The following MAML2 variants were observed in gnomAD, a reference collection of about 807,000 sequenced individuals.
MAML2 encodes mastermind-like protein 2.
A neutral mutation model predicts 96.1 loss-of-function variants in MAML2; 22 were observed. The ratio of observed to expected loss-of-function variants is 0.23; its 90% CI spans 0.16 to 0.33. MAML2 has a LOEUF of 0.33. Among genes scored for constraint, MAML2 ranks in the 10% least tolerant of loss-of-function variants. MAML2 has a pLI of 1.00. For missense variants in MAML2, 1,367 were observed against 1,392.4 expected, an observed-to-expected ratio of 0.98 and a Z score of 0.29; for synonymous variants, 561 against 521.3, an observed-to-expected ratio of 1.08 and a Z score of -1.04.
chr11:96,036,387 A>G (rs1297049420), intron 2 of MAML2, among the ~76,000 whole-genome samples: 1 of 152,164 alleles, frequency 6.6e-6, no homozygotes, highest in Non-Finnish European at 1.5e-5. Context: ...TCTTTCATTC[A>G]TTTTAAACTC....
intron 1 of MAML2, among the ~76,000 whole-genome samples, chr11:96,316,813 A>C (rs1565282081): frequency 6.6e-6 from 1 of 152,092 alleles, no homozygotes; most frequent in Non-Finnish European, 1.5e-5. Context: ...ATGCCATTGC[A>C]GCAGTCGAGG....
chr11:96,125,075 T>C (rs1015447114), intron 1 of MAML2, among the ~76,000 whole-genome samples: 2 of 152,192 alleles, frequency 1.3e-5, no homozygotes, highest in African/African-American at 4.8e-5. Flanking sequence ...TATCTGCTTG[T>C]GGCCATTAAG....
At chr11:96,020,818 T>A (rs146407579) in intron 2 of MAML2, among the ~76,000 whole-genome samples, 399 of 152,302 alleles carry the variant, frequency 2.6e-3, no homozygotes, top group African/African-American at 8.5e-3. Context: ...TTGGTCAGAA[T>A]GAGAGAGACA....
At chr11:96,257,405 C>T (rs1003915807) in intron 1 of MAML2, among the ~76,000 whole-genome samples, 9 of 152,192 alleles carry the variant, frequency 5.9e-5, no homozygotes, top group Admixed American at 3.9e-4. Flanking sequence ...ACAGTGCTGG[C>T]ACAGAATATG....
At chr11:96,066,984 C>A (rs976372421) in intron 2 of MAML2, among the ~76,000 whole-genome samples, 2 of 152,128 alleles carry the variant, frequency 1.3e-5, no homozygotes, top group African/African-American at 4.8e-5. Flanking sequence ...GTGGTAGGAG[C>A]AGTGGGCAGT....
At chr11:96,107,013 C>A (rs960253588) in intron 1 of MAML2, among the ~76,000 whole-genome samples, 1 of 32,554 alleles carries the variant, frequency 3.1e-5, no homozygotes, top group Admixed American at 4.6e-4. Context: ...ATTTTCTTCA[C>A]TGGCCTCAAA....
rs188404023 is a variant in MAML2 at position 96,042,212 on chromosome 11, G to A, written c.2139+49680C>T. 3.8e-3 allele frequency among the ~76,000 whole-genome samples: 583 copies of A among 152,178 alleles called. 2 individuals are homozygous for A. The highest frequency in any genetic ancestry group is 0.013 in the African/African-American group (550 of 41,534). On this transcript the variant is annotated intron_variant, in intron 2 of 4. Coordinates refer to ENST00000524717, the MANE Select transcript of MAML2 (RefSeq NM_032427.4). ...AGGATGGTCTCGATCTCCTGACCTC[G>A]TGATCCACCTGCCTTGGCCTCTCCG...
At chr11:96,244,089 G>A (rs1447941210) in intron 1 of MAML2, among the ~76,000 whole-genome samples, 1 of 152,200 alleles carries the variant, frequency 6.6e-6, no homozygotes, top group African/African-American at 2.4e-5. Flanking sequence ...TTCCTCTAGT[G>A]AAGTCTGGAG....
intron 1 of MAML2, among the ~76,000 whole-genome samples, chr11:96,218,828 G>T (rs1429126351): frequency 6.6e-6 from 1 of 152,108 alleles, no homozygotes; most frequent in Non-Finnish European, 1.5e-5. Flanking sequence ...ATGTCCCATG[G>T]AATATTTGAA....
At chr11:96,135,340 A>G (rs558095013) in intron 1 of MAML2, among the ~76,000 whole-genome samples, 6 of 152,324 alleles carry the variant, frequency 3.9e-5, no homozygotes, top group Admixed American at 3.3e-4. Context: ...TAAATTACCC[A>G]GTCTCAGGTA....
At chr11:95,981,502 G>C (rs772596863) in intron 4 of MAML2, among the ~76,000 whole-genome samples, 2 of 152,164 alleles carry the variant, frequency 1.3e-5, no homozygotes, top group Non-Finnish European at 2.9e-5. Context: ...AATTGTAAAC[G>C]TGGGCTATCC....
intron 2 of MAML2, among the ~76,000 whole-genome samples, chr11:96,074,034 T>A (rs937794212): frequency 2.0e-5 from 3 of 152,062 alleles, no homozygotes; most frequent in Middle Eastern, 6.8e-3. Flanking sequence ...GCTTTCAGGC[T>A]AAAAAATATT....
intron 1 of MAML2, among the ~76,000 whole-genome samples, chr11:96,216,445 A>C (rs527521204): frequency 1.3e-5 from 2 of 152,230 alleles, no homozygotes; most frequent in South Asian, 2.1e-4. Context: ...AGAGAATTTT[A>C]CTTCACTTCT....
chr11:96,138,582 CCCCAA>C (rs1860676306), intron 1 of MAML2, among the ~76,000 whole-genome samples: 1 of 152,022 alleles, frequency 6.6e-6, no homozygotes, highest in African/African-American at 2.4e-5. Context: ...TTTTCCTTAC[CCCCAA>C]GTGGTCAGCC....
chr11:96,332,308 T>C (rs1033193543), intron 1 of MAML2, among the ~76,000 whole-genome samples: 1 of 152,154 alleles, frequency 6.6e-6, no homozygotes, highest in South Asian at 2.1e-4. Flanking sequence ...CTGAGGGAAA[T>C]GCTTAGCTGG....
At chr11:96,001,864 A>T (rs494463) in intron 2 of MAML2, among the ~76,000 whole-genome samples, 47,598 of 151,872 alleles carry the variant, frequency 0.31, 8,580 homozygotes, top group African/African-American at 0.48. Flanking sequence ...CACCCTATAC[A>T]ATGGTGATAC....
intron 2 of MAML2, among the ~76,000 whole-genome samples, chr11:96,071,684 G>A (rs1249694340): frequency 2.6e-5 from 4 of 152,190 alleles, no homozygotes; most frequent in Non-Finnish European, 5.9e-5. Context: ...CTGGTAGACT[G>A]AAAAGACTCA....
chr11:96,237,673 TA>T (rs570566533), intron 1 of MAML2, among the ~76,000 whole-genome samples: 93 of 152,364 alleles, frequency 6.1e-4, no homozygotes, highest in African/African-American at 2.2e-3. Flanking sequence ...ACCAAACTTT[TA>T]TTCATTAATG....
intron 1 of MAML2, among the ~76,000 whole-genome samples, chr11:96,277,192 C>G (rs2135983470): frequency 6.6e-6 from 1 of 152,242 alleles, no homozygotes; most frequent in African/African-American, 2.4e-5. Flanking sequence ...TTTACCAGGC[C>G]AGGAACTATA....
Sources: gnomAD v4.1 joint callset for allele counts (sites outside exome capture counted in the v4.1 genomes callset) on GRCh38, gnomAD v4.1.1 for gene constraint, MANE v1.5 for transcripts, NCBI Gene and HGNC (gene_info 2026-07-23, HGNC 2026-07-21) for gene names.